ZNF618: variants seen among roughly 807,000 people sequenced by gnomAD.
ZNF618 encodes the protein zinc finger protein 618.
A neutral mutation model predicts 103.0 loss-of-function variants in ZNF618; 34 were observed. That is an observed-to-expected ratio of 0.33 (90% confidence interval 0.25 to 0.44). The LOEUF (loss-of-function observed/expected upper bound fraction) is 0.44. Among genes scored for constraint, ZNF618 ranks in the 20% least tolerant of loss-of-function variants. The probability of loss-of-function intolerance (pLI) is 1.00; values close to 1 mark genes in which losing one functional copy is unlikely to be tolerated. For synonymous variants in ZNF618, 551 were observed against 542.2 expected, an observed-to-expected ratio of 1.02 and a Z score of -0.23; for missense variants, 1,059 against 1,295.4, an observed-to-expected ratio of 0.82 and a Z score of 2.80.
At chr9:114,027,234 C>G (rs1843591520) in intron 10 of ZNF618, among the ~76,000 whole-genome samples, 1 of 152,198 alleles carries the variant, frequency 6.6e-6, no homozygotes, top group Non-Finnish European at 1.5e-5. Context: ...CTTTGCCACC[C>G]AAGACTTCTC....
rs1322365108 is a variant in ZNF618, at chr9:114,016,724, G to A, written c.784G>A (p.Gly262Ser). 3.1e-6 allele frequency: 5 copies of A among 1,613,738 alleles called. No homozygotes were observed. The highest frequency in any genetic ancestry group is 3.4e-6 in the Non-Finnish European group (4 of 1,179,800). ...TGGCAATTACACCTGTGAATTCTGC[G>A]GCAAACAGTACAAGTACTACACTCC... is the stretch of plus-strand genomic sequence containing the variant. Reference protein sequence around the residue: ...KTGNYTCEFCGKQYKYYTPYQ... With the variant: ...KTGNYTCEFCSKQYKYYTPYQ... Residue 262 changes from glycine to serine, a missense_variant, in exon 10 of 15, where the codon GGC becomes AGC. This residue lies in a region of ZNF618 where 434 missense variants were observed against 476.0 expected (regional missense o/e 0.91). Transcript: ENST00000374126.
At chr9:114,006,256 T>C (rs1485944027) in intron 6 of ZNF618, among the ~76,000 whole-genome samples, 1 of 152,122 alleles carries the variant, frequency 6.6e-6, no homozygotes, top group Admixed American at 6.5e-5. Context: ...CCAGTACTGA[T>C]TTGCAGCTTA....
Position 113,985,857 on chromosome 9 carries a change from G to A in ZNF618, c.78-2464G>A, listed in dbSNP as rs148874082. Among the ~76,000 whole-genome samples, 80 of 152,318 alleles carry A rather than the reference G, an allele frequency of 5.3e-4. No homozygotes were observed. The East Asian group carries it at 7.9e-3, about 15-fold the overall frequency. On this transcript the variant is annotated intron_variant, in intron 2 of 14. Transcript: ENST00000374126. ...AGCTAATACCAAGATTTCGTTCCTA[G>A]AGTCATTGCTAAGGATGAAAGGAAT...
intron 9 of ZNF618, among the ~76,000 whole-genome samples, chr9:114,012,359 G>A (rs1385807595): frequency 3.7e-5 from 3 of 80,058 alleles, no homozygotes; most frequent in South Asian, 8.6e-4. Flanking sequence ...GATGGTGAAA[G>A]AGAGAGAGAG....
intron 1 of ZNF618, among the ~76,000 whole-genome samples, chr9:113,923,233 A>C (rs1832799800): frequency 6.6e-6 from 1 of 152,160 alleles, no homozygotes; most frequent in African/African-American, 2.4e-5. Flanking sequence ...TCTGTGAATA[A>C]AGAAATTTTT....
In ZNF618 at chr9:114,051,338, G is replaced by A. The variant is rs2134735295; in HGVS notation, c.*1171G>A. ...CTTGGCTGTGCTATTTGGAGACCAG[G>A]CGTTGGGGAGGATTCACGGGTTCCA... On this transcript the variant is annotated 3_prime_UTR_variant, in exon 15 of 15. Coordinates refer to ENST00000374126, the MANE Select transcript of ZNF618 (RefSeq NM_001318042.2). 6.5e-6 allele frequency: 1 copy of A among 152,748 alleles called. No homozygotes were observed. Among genetic ancestry groups the A allele is most frequent in the South Asian group, 2.1e-4 (1 of 4,806 alleles). The allele number at this position is 152,748 out of a possible 1,614,324, so 9.5% of individuals were successfully genotyped here. A position where few individuals can be genotyped will look rare whatever the true frequency, so the allele number is the denominator to read the frequency against.
chr9:114,018,493 A>G (rs1161917101), intron 10 of ZNF618, among the ~76,000 whole-genome samples: 1 of 152,228 alleles, frequency 6.6e-6, no homozygotes, highest in African/African-American at 2.4e-5. Flanking sequence ...CAGCCTTTGG[A>G]GACTATCTTC....
Position 113,958,166 on chromosome 9 carries a change from C to A in ZNF618, c.34-10951C>A, listed in dbSNP as rs371079253. On this transcript the variant is annotated intron_variant, in intron 1 of 14. Transcript: ENST00000374126. ...GAAAGACAAGGGGGCAAGTCACTCT[C>A]TCCAAGGTCACCCCACCAGCCTTGG... 2.0e-5 allele frequency among the ~76,000 whole-genome samples: 3 copies of A among 152,178 alleles called. No individual in the cohort carries two copies. The South Asian group carries it at 6.2e-4, about 32-fold the overall frequency.
chr9:114,033,305 G>A (rs1418597588), intron 12 of ZNF618, among the ~76,000 whole-genome samples: 1 of 151,976 alleles, frequency 6.6e-6, no homozygotes, highest in Non-Finnish European at 1.5e-5. Flanking sequence ...AGAATCACTT[G>A]AACCCAGGAG....
intron 1 of ZNF618, among the ~76,000 whole-genome samples, chr9:113,882,959 G>A (rs950362418): frequency 1.3e-5 from 2 of 152,212 alleles, no homozygotes; most frequent in African/African-American, 4.8e-5. Context: ...GGACCCACAG[G>A]TCAGAGTTGG....
intron 1 of ZNF618, among the ~76,000 whole-genome samples, chr9:113,937,210 AACTGTTCCC>A (rs1487619369): frequency 6.6e-6 from 1 of 152,168 alleles, no homozygotes. Context: ...CTCAAATGTT[AACTGTTCCC>A]ACACTTACTT....
At chr9:113,986,389 G>A (rs1348848123) in intron 2 of ZNF618, among the ~76,000 whole-genome samples, 1 of 152,204 alleles carries the variant, frequency 6.6e-6, no homozygotes, top group East Asian at 1.9e-4. Context: ...TTGGGCTGCT[G>A]TTAACAGAAT....
chr9:114,034,084 G>C (rs549763934), intron 12 of ZNF618, among the ~76,000 whole-genome samples: 4 of 152,346 alleles, frequency 2.6e-5, no homozygotes, highest in Non-Finnish European at 4.4e-5. Flanking sequence ...CCCCGTGGTG[G>C]TTGTGAACAT....
chr9:114,045,660 A>C (rs1801523206), intron 13 of ZNF618, among the ~76,000 whole-genome samples: 1 of 152,034 alleles, frequency 6.6e-6, no homozygotes, highest in Middle Eastern at 3.4e-3. Context: ...TATTCCTCCA[A>C]CGTTGTCCTT....
chr9:113,945,540 G>A (rs10119978), intron 1 of ZNF618, among the ~76,000 whole-genome samples: 78,593 of 152,068 alleles, frequency 0.52, 20,871 homozygotes, highest in East Asian at 0.68. Context: ...TAGATGATCA[G>A]TAAGTATGGG....
chr9:113,896,390 GT>G (rs1285792988), intron 1 of ZNF618, among the ~76,000 whole-genome samples: 1 of 151,866 alleles, frequency 6.6e-6, no homozygotes, highest in Non-Finnish European at 1.5e-5. Context: ...AAATTTCTGT[GT>G]TACTCCTTTT....
intron 9 of ZNF618, among the ~76,000 whole-genome samples, chr9:114,015,200 A>G (rs1012093988): frequency 1.4e-4 from 21 of 152,354 alleles, no homozygotes; most frequent in African/African-American, 2.9e-4. Flanking sequence ...GAGAAAAACC[A>G]TAAACAGACT....
intron 13 of ZNF618, among the ~76,000 whole-genome samples, chr9:114,043,107 A>G (rs1027725630): frequency 3.3e-5 from 5 of 152,200 alleles, no homozygotes; most frequent in African/African-American, 1.2e-4. Flanking sequence ...GATATATCAC[A>G]ATTTGTTTAT....
chr9:114,001,967 G>A (rs377372919), intron 4 of ZNF618, 29 bp from the exon 5 acceptor site: 1 of 1,604,142 alleles, frequency 6.2e-7, no homozygotes, highest in Non-Finnish European at 8.5e-7. Context: ...GAGGTTGGGT[G>A]ACCAGTCCTT....
Sources: gnomAD v4.1 joint callset for allele counts (sites outside exome capture counted in the v4.1 genomes callset) on GRCh38, gnomAD v4.1.1 for gene constraint, gnomAD v4.1.1 regional missense constraint, MANE v1.5 for transcripts, NCBI Gene and HGNC (gene_info 2026-07-23, HGNC 2026-07-21) for gene names.